Variants in CACNA1H observed in about 807,000 individuals in gnomAD.
CACNA1H encodes the protein voltage-dependent T-type calcium channel subunit alpha-1H.
Under a neutral mutation model 192.5 loss-of-function variants are expected in CACNA1H, and 149 were observed. The observed-to-expected ratio is 0.77, with a 90% confidence interval of 0.68 to 0.89. CACNA1H has a LOEUF of 0.89. CACNA1H is among the 40% of genes least tolerant of loss of function. CACNA1H has a pLI of 0.00. For synonymous variants in CACNA1H, 2,202 were observed against 1,475.2 expected (o/e 1.49, Z -11.29); for missense variants, 4,257 against 3,423.5 (o/e 1.24, Z -6.08).
intron 1 of CACNA1H, 25 bp downstream of exon 1, chr16:1,153,495 C>T (rs1961841759): frequency 2.0e-5 from 5 of 254,428 alleles, no homozygotes; most frequent in East Asian, 7.4e-5. Flanking sequence ...GGACGCGCGC[C>T]CGGGACCCTC....
intron 2 of CACNA1H, chr16:1,157,935 G>A (rs1962644160): frequency 6.6e-6 from 1 of 152,272 alleles, no homozygotes; most frequent in South Asian, 2.1e-4. Flanking sequence ...CCGTGCTAGG[G>A]CGCGTGTCTC....
Position 1,221,367 on chromosome 16 carries a change from TG to T in CACNA1H, c.*378del, listed in dbSNP as rs1301628805. 4 of 321,426 alleles carry T rather than the reference TG, an allele frequency of 1.2e-5. No individual in the cohort carries two copies. The East Asian group carries it at 2.4e-4, about 19-fold the overall frequency. 19.9% of individuals were successfully genotyped at this position (321,426 alleles called of 1,614,324 possible). A position where few individuals can be genotyped will look rare whatever the true frequency, so the allele number is the denominator to read the frequency against. On this transcript the variant is annotated 3_prime_UTR_variant, in exon 35 of 35. Coordinates refer to ENST00000348261, the MANE Select transcript of CACNA1H (RefSeq NM_021098.3). ...CCCCGCGTTGTTACAGGACACTCGC[TG>T]GGGGCCCTGTGCCCTTGCCGGCGGC...
chr16:1,153,636 C>T (rs1422779112), intron 1 of CACNA1H, 84 bp from the exon 2 acceptor site: 2 of 878,406 alleles, frequency 2.3e-6, no homozygotes, highest in Non-Finnish European at 2.9e-6. Flanking sequence ...TCCCGGCGGC[C>T]GCGGCTGTTC....
chr16:1,171,625 C>T (rs551620622), intron 2 of CACNA1H, among the ~76,000 whole-genome samples: 3 of 152,304 alleles, frequency 2.0e-5, no homozygotes, highest in Admixed American at 6.5e-5. Context: ...CTGTGGGGTT[C>T]CCTCATTTCC....
chr16:1,190,803 GGGCCCTGCA>G (rs765431364), intron 2 of CACNA1H, among the ~76,000 whole-genome samples: 61 of 152,256 alleles, frequency 4.0e-4, no homozygotes, highest in Admixed American at 3.1e-3. Flanking sequence ...CGATGGGTAG[GGGCCCTGCA>G]GACCCAAGAG....
At chr16:1,217,186 G>A (rs889828432) in intron 31 of CACNA1H, among the ~76,000 whole-genome samples, 176 bp downstream of exon 31, 3 of 152,236 alleles carry the variant, frequency 2.0e-5, no homozygotes, top group African/African-American at 7.2e-5. Flanking sequence ...GCACGAGGCC[G>A]AGTCTCGTGT....
chr16:1,202,765 C>A (rs968409609), intron 9 of CACNA1H, among the ~76,000 whole-genome samples: 1 of 152,110 alleles, frequency 6.6e-6, no homozygotes, highest in Non-Finnish European at 1.5e-5. Flanking sequence ...TGCCTGGCCC[C>A]GAGAGGGACC....
At chr16:1,165,967 T>A (rs1046637127) in intron 2 of CACNA1H, among the ~76,000 whole-genome samples, 18 of 151,584 alleles carry the variant, frequency 1.2e-4, no homozygotes, top group Admixed American at 3.3e-4. Flanking sequence ...GTGCATCTTT[T>A]AATTGTGGTG....
At chr16:1,198,828 G>A (rs1596393872) in intron 6 of CACNA1H, 54 bp downstream of exon 6, 1 of 1,531,294 alleles carries the variant, frequency 6.5e-7, no homozygotes, top group Non-Finnish European at 8.8e-7. Context: ...TGCCCACCAT[G>A]CAGATAACGC....
Position 1,218,671 on chromosome 16 carries a change from G to A in CACNA1H, c.5887+20G>A, listed in dbSNP as rs759713896. 3.5e-6 allele frequency: 5 copies of A among 1,417,038 alleles called. No homozygotes were observed. In the African/African-American group the frequency reaches 5.8e-5, roughly 16 times the overall value. The allele number at this position is 1,417,038 out of a possible 1,614,324, so 87.8% of individuals were successfully genotyped here. A position where few individuals can be genotyped will look rare whatever the true frequency, so the allele number is the denominator to read the frequency against. ...CCTTGGGTATGGTAGCCAGCAGGAA[G>A]ATATGGGCTGGGTGGGAAGCAGGAC... On this transcript the variant is annotated intron_variant, in intron 33 of 34. Transcript: ENST00000348261.
At chr16:1,210,689 C>A (rs367613633) in intron 20 of CACNA1H, 38 bp downstream of exon 20, 2 of 1,589,112 alleles carry the variant, frequency 1.3e-6, no homozygotes, top group East Asian at 2.3e-5. Flanking sequence ...GTTCCCAGGT[C>A]CCCGTTCTGC....
At chr16:1,182,462 G>A (rs1965571876) in intron 2 of CACNA1H, among the ~76,000 whole-genome samples, 1 of 152,280 alleles carries the variant, frequency 6.6e-6, no homozygotes, top group Admixed American at 6.5e-5. Context: ...TCTCCCACGG[G>A]CAGCCCAGCC....
intron 2 of CACNA1H, among the ~76,000 whole-genome samples, chr16:1,186,013 C>T (rs867151390): frequency 3.7e-5 from 3 of 82,122 alleles, no homozygotes; most frequent in African/African-American, 1.7e-4. Flanking sequence ...AGACGGCGTG[C>T]GTAGGGGCCG....
At chr16:1,173,623 G>A (rs1181433408) in intron 2 of CACNA1H, among the ~76,000 whole-genome samples, 1 of 152,278 alleles carries the variant, frequency 6.6e-6, no homozygotes, top group Non-Finnish European at 1.5e-5. Context: ...GAGGGGCTGT[G>A]TTTTGCAGTT....
In CACNA1H at chr16:1,218,468, C is replaced by T; in HGVS notation, c.5704C>T (p.Pro1902Ser). Residue 1902 changes from proline to serine, a missense_variant, in exon 33 of 35, where the codon CCC (proline) becomes TCC (serine). Transcript: ENST00000348261. ...RRVDADRPPL[P>S]QESPGARDAP... Reference sequence around the variant, plus strand: ...GGTGGACGCGGACAGGCCTCCCTTGCCCCAGGAGAGTCCGGGCGCCAGGGA... The same window carrying T: ...GGTGGACGCGGACAGGCCTCCCTTGTCCCAGGAGAGTCCGGGCGCCAGGGA... 1 of 1,551,638 alleles carries T rather than the reference C, an allele frequency of 6.4e-7. No homozygotes were observed. Among genetic ancestry groups the T allele is most frequent in the South Asian group, 1.2e-5 (1 of 84,144 alleles).
chr16:1,218,948 C>T (rs1014731679), intron 33 of CACNA1H, 22 bp from the exon 34 acceptor site: 3 of 1,548,996 alleles, frequency 1.9e-6, no homozygotes, highest in Admixed American at 2.0e-5. Context: ...GAGCTGCCAG[C>T]TTAGATTCTT....
chr16:1,182,002 C>T (rs998903284), intron 2 of CACNA1H, among the ~76,000 whole-genome samples: 2 of 152,170 alleles, frequency 1.3e-5, no homozygotes, highest in African/African-American at 2.4e-5. Flanking sequence ...ACTCTGCTGC[C>T]TGTCCCTGGC....
At chr16:1,153,502 C>T (rs1961842943) in intron 1 of CACNA1H, 32 bp downstream of exon 1, 1 of 270,142 alleles carries the variant, frequency 3.7e-6, no homozygotes, top group East Asian at 6.7e-5. Context: ...CGCCCGGGAC[C>T]CTCTTCAACT....
At chr16:1,194,901 TG>T in intron 2 of CACNA1H, 70 bp from the exon 3 acceptor site, 1 of 1,110,562 alleles carries the variant, frequency 9.0e-7, no homozygotes, top group Non-Finnish European at 1.4e-6. Context: ...GCTGACCGGG[TG>T]GGCATTTGGA....
Sources: gnomAD v4.1 joint callset for allele counts (sites outside exome capture counted in the v4.1 genomes callset) on GRCh38, gnomAD v4.1.1 for gene constraint, MANE v1.5 for transcripts, NCBI Gene and HGNC (gene_info 2026-07-23, HGNC 2026-07-21) for gene names.